The following ANO3 variants were observed in gnomAD, a reference collection of about 807,000 sequenced individuals.
ANO3 encodes anoctamin 3.
In ANO3, 99 loss-of-function variants were observed where a neutral mutation model predicts 144.8. That is an observed-to-expected ratio of 0.68 (90% CI 0.58 to 0.81). The LOEUF (loss-of-function observed/expected upper bound fraction) is 0.81. ANO3 is among the 30% of genes least tolerant of loss of function. The pLI is 0.00. For synonymous variants in ANO3, 414 were observed against 392.6 expected, an observed-to-expected ratio of 1.05 and a Z score of -0.64; for missense variants, 905 against 1,202.2, an observed-to-expected ratio of 0.75 and a Z score of 3.66.
chr11:26,229,687 C>G (rs1290801449), intron 1 of ANO3, among the ~76,000 whole-genome samples: 1 of 151,856 alleles, frequency 6.6e-6, no homozygotes, highest in Non-Finnish European at 1.5e-5. Flanking sequence ...GCAACATTTC[C>G]TGGGTCGACA....
At chr11:26,612,364 T>G (rs10767559) in intron 17 of ANO3, among the ~76,000 whole-genome samples, 66,675 of 151,206 alleles carry the variant, frequency 0.44, 15,561 homozygotes, top group East Asian at 0.68. Flanking sequence ...CGTAACTTTG[T>G]TCACATAAAA....
intron 1 of ANO3, among the ~76,000 whole-genome samples, chr11:26,290,623 T>C (rs2133853395): frequency 6.6e-6 from 1 of 152,340 alleles, no homozygotes; most frequent in South Asian, 2.1e-4. Context: ...TTGTTTTCAT[T>C]GGTTTCAAAG....
At chr11:26,452,954 C>A (rs1859004611) in intron 3 of ANO3, among the ~76,000 whole-genome samples, 1 of 152,120 alleles carries the variant, frequency 6.6e-6, no homozygotes, top group South Asian at 2.1e-4. Flanking sequence ...AATTTTCAAC[C>A]CAGAATTTCA....
intron 1 of ANO3, among the ~76,000 whole-genome samples, chr11:26,202,813 T>C (rs1851724223): frequency 1.3e-5 from 2 of 152,020 alleles, no homozygotes. Flanking sequence ...TTTCAAAATA[T>C]ATTTAGGAGA....
At chr11:26,430,077 C>G (rs7107824) in intron 1 of ANO3, among the ~76,000 whole-genome samples, 145,383 of 152,040 alleles carry the variant, frequency 0.96, 69,680 homozygotes, top group East Asian at 1. Flanking sequence ...AACCCAGTCT[C>G]TACCAAAAAT....
chr11:26,245,762 A>G (rs1325370458), intron 1 of ANO3, among the ~76,000 whole-genome samples: 2 of 152,184 alleles, frequency 1.3e-5, no homozygotes, highest in Non-Finnish European at 2.9e-5. Context: ...GATTGGGTAC[A>G]GATGTTTATA....
In ANO3 at chr11:26,303,935, G is replaced by A. The variant is rs187364054; in HGVS notation, c.155-5710G>A. On this transcript the variant is annotated intron_variant, in intron 1 of 27. Coordinates refer to the ANO3 transcript ENST00000672621. ...GGGTTTCACCACTTTGGCGGGTCTC[G>A]ATCTCTTGACCTCGTGATCCACCTG... Among the ~76,000 whole-genome samples the A allele has an allele frequency of 7.9e-5, 12 of 152,014 alleles. No individual in the cohort carries two copies. The East Asian group carries it at 2.3e-3, about 29-fold the overall frequency.
intron 1 of ANO3, among the ~76,000 whole-genome samples, chr11:26,297,057 T>C (rs879861071): frequency 4.6e-5 from 7 of 152,128 alleles, no homozygotes; most frequent in African/African-American, 1.2e-4. Context: ...ATTATATTGA[T>C]CAAAATATTT....
At chr11:26,262,739 CAGAGAG>C (rs926800288) in intron 1 of ANO3, among the ~76,000 whole-genome samples, 2 of 148,780 alleles carry the variant, frequency 1.3e-5, no homozygotes, top group Admixed American at 6.7e-5. Flanking sequence ...CACACACACA[CAGAGAG>C]AGAGAGAGAG....
intron 13 of ANO3, among the ~76,000 whole-genome samples, chr11:26,556,596 G>T (rs1850089312): frequency 6.6e-6 from 1 of 152,142 alleles, no homozygotes; most frequent in African/African-American, 2.4e-5. Flanking sequence ...AACTCTCTAT[G>T]TTAACAAGTT....
At chr11:26,286,230 A>T (rs965297226) in intron 1 of ANO3, 1 of 152,206 alleles carries the variant, frequency 6.6e-6, no homozygotes, top group Non-Finnish European at 1.5e-5. Flanking sequence ...GTTAGGGGGA[A>T]CTTTCTTAAC....
At chr11:26,201,963 G>A (rs1851702401) in intron 1 of ANO3, among the ~76,000 whole-genome samples, 1 of 151,058 alleles carries the variant, frequency 6.6e-6, no homozygotes, top group African/African-American at 2.4e-5. Flanking sequence ...ATTTTAGGCA[G>A]AATATTTACA....
At chr11:26,398,100 T>C (rs1209491233) in intron 1 of ANO3, among the ~76,000 whole-genome samples, 1 of 152,076 alleles carries the variant, frequency 6.6e-6, no homozygotes, top group Non-Finnish European at 1.5e-5. Flanking sequence ...AAGATCACTA[T>C]ATATTTAGGA....
intron 1 of ANO3, among the ~76,000 whole-genome samples, chr11:26,315,740 G>C (rs1854612482): frequency 6.6e-6 from 1 of 150,750 alleles, no homozygotes; most frequent in Admixed American, 6.6e-5. Flanking sequence ...TACCTACCTA[G>C]CTATCTCACT....
At chr11:26,464,359 T>C (rs1859523162) in intron 4 of ANO3, among the ~76,000 whole-genome samples, 1 of 151,860 alleles carries the variant, frequency 6.6e-6, no homozygotes, top group African/African-American at 2.4e-5. Flanking sequence ...GTCTCTACTA[T>C]CTGTAAAGCA....
intron 1 of ANO3, among the ~76,000 whole-genome samples, chr11:26,440,032 T>A (rs1192970989): frequency 6.6e-6 from 1 of 152,122 alleles, no homozygotes; most frequent in Non-Finnish European, 1.5e-5. Flanking sequence ...AAAAAGTCCC[T>A]TTGCCTCATG....
At chr11:26,505,686 A>G (rs1861397353) in intron 4 of ANO3, among the ~76,000 whole-genome samples, 1 of 152,126 alleles carries the variant, frequency 6.6e-6, no homozygotes, top group Non-Finnish European at 1.5e-5. Flanking sequence ...TTAAGACAGC[A>G]AATTGGCCGG....
intron 14 of ANO3, among the ~76,000 whole-genome samples, chr11:26,595,392 C>G (rs1362060630): frequency 1.4e-5 from 2 of 147,794 alleles, no homozygotes; most frequent in Non-Finnish European, 3.0e-5. Flanking sequence ...CCATAAACAA[C>G]AGTTCTTATG....
At chr11:26,301,234 T>C (rs909531870) in intron 1 of ANO3, among the ~76,000 whole-genome samples, 1 of 152,222 alleles carries the variant, frequency 6.6e-6, no homozygotes, top group Non-Finnish European at 1.5e-5. Flanking sequence ...CCACTGTCAT[T>C]GGATTTCTAA....
Sources: allele counts gnomAD v4.1 joint callset (sites outside exome capture counted in the v4.1 genomes callset), GRCh38; gene constraint gnomAD v4.1.1; transcripts MANE v1.5; gene names NCBI Gene and HGNC (gene_info 2026-07-23, HGNC 2026-07-21).